The following OPCML variants were observed in gnomAD, a reference collection of about 807,000 sequenced individuals.
OPCML encodes the protein opioid binding protein/cell adhesion molecule like.
A neutral mutation model predicts 37.8 loss-of-function variants in OPCML; 13 were observed. The ratio of observed to expected loss-of-function variants is 0.34; its 90% CI spans 0.22 to 0.55. The LOEUF (loss-of-function observed/expected upper bound fraction) is 0.55. Among genes scored for constraint, OPCML ranks in the 20% least tolerant of loss-of-function variants. OPCML has a pLI of 0.91. For missense variants in OPCML, 341 were observed against 435.6 expected, an observed-to-expected ratio of 0.78 and a Z score of 1.93; for synonymous variants, 176 against 168.8, an observed-to-expected ratio of 1.04 and a Z score of -0.33.
chr11:133,249,613 A>C (rs1941061257), intron 1 of OPCML, among the ~76,000 whole-genome samples: 1 of 152,144 alleles, frequency 6.6e-6, no homozygotes, highest in South Asian at 2.1e-4. Flanking sequence ...AAGGCGGAGG[A>C]GAGAAAGCTG....
At chr11:132,973,976 T>C (rs1946402615) in intron 1 of OPCML, among the ~76,000 whole-genome samples, 1 of 151,946 alleles carries the variant, frequency 6.6e-6, no homozygotes, top group African/African-American at 2.4e-5. Context: ...TGGTCTAGCC[T>C]GCCCCTTACC....
intron 1 of OPCML, among the ~76,000 whole-genome samples, chr11:133,464,946 G>A (rs76533707): frequency 1.4e-3 from 211 of 152,294 alleles, no homozygotes; most frequent in African/African-American, 4.9e-3. Context: ...CAGTTTGACA[G>A]TGACATGAGC....
At chr11:132,847,677 T>C (rs1941611931) in intron 2 of OPCML, among the ~76,000 whole-genome samples, 1 of 152,214 alleles carries the variant, frequency 6.6e-6, no homozygotes, top group South Asian at 2.1e-4. Flanking sequence ...AATGCTGTCT[T>C]TTGGTCAGGT....
intron 2 of OPCML, among the ~76,000 whole-genome samples, chr11:132,759,613 G>A (rs1312780899): frequency 6.6e-6 from 1 of 152,006 alleles, no homozygotes; most frequent in Non-Finnish European, 1.5e-5. Context: ...ATTTTCTGAT[G>A]GTAGTTTGTG....
At chr11:133,342,245 T>C (rs911025431) in intron 1 of OPCML, among the ~76,000 whole-genome samples, 1 of 152,020 alleles carries the variant, frequency 6.6e-6, no homozygotes, top group Non-Finnish European at 1.5e-5. Context: ...ACTAACACAC[T>C]AGAAATAGCT....
intron 1 of OPCML, among the ~76,000 whole-genome samples, chr11:133,199,705 G>C (rs1230139647): frequency 2.0e-5 from 3 of 152,174 alleles, no homozygotes; most frequent in South Asian, 4.1e-4. Context: ...GCAACAACTT[G>C]ATTTCCCCTA....
chr11:132,532,913 T>C lies in OPCML; in HGVS notation c.380-3727A>G, dbSNP rs539466572. 3.2e-4 allele frequency among the ~76,000 whole-genome samples: 48 copies of C among 152,318 alleles called. 1 individual carries two copies. In the South Asian group the frequency reaches 5.0e-3, roughly 16 times the overall value. ...CACTACAACTCCACCCTTGTTTCCA[T>C]GATGACTTTGTGAAGAAAGGAACAC... On this transcript the variant is annotated intron_variant, in intron 3 of 7. Coordinates refer to ENST00000524381, the MANE Select transcript of OPCML (RefSeq NM_001012393.5).
chr11:133,098,136 T>C (rs958378831), intron 1 of OPCML, among the ~76,000 whole-genome samples: 5 of 151,670 alleles, frequency 3.3e-5, no homozygotes, highest in Non-Finnish European at 7.4e-5. Context: ...TTTAGCAAAT[T>C]CAGTCCAACA....
intron 2 of OPCML, among the ~76,000 whole-genome samples, chr11:132,916,033 G>A (rs978363787): frequency 6.6e-6 from 1 of 151,830 alleles, no homozygotes; most frequent in Non-Finnish European, 1.5e-5. Context: ...CCATAATTTT[G>A]TAAGTGTGCA....
intron 4 of OPCML, among the ~76,000 whole-genome samples, chr11:132,476,620 C>T (rs2096156901): frequency 6.6e-6 from 1 of 151,984 alleles, no homozygotes; most frequent in South Asian, 2.1e-4. Context: ...TGTTCTCACT[C>T]ATAGGTGGGA....
intron 1 of OPCML, among the ~76,000 whole-genome samples, chr11:133,190,530 T>C (rs1261318772): frequency 1.3e-5 from 2 of 152,200 alleles, no homozygotes; most frequent in Non-Finnish European, 2.9e-5. Context: ...TTCAACTGAT[T>C]TTAGTTTGTT....
At chr11:132,909,934 A>G (rs1591790177) in intron 2 of OPCML, among the ~76,000 whole-genome samples, 2 of 152,352 alleles carry the variant, frequency 1.3e-5, no homozygotes, top group East Asian at 3.9e-4. Context: ...GTGTTATTAC[A>G]TTTATAAAAT....
intron 1 of OPCML, among the ~76,000 whole-genome samples, chr11:133,388,027 C>T (rs1007651592): frequency 6.6e-6 from 1 of 152,078 alleles, no homozygotes; most frequent in African/African-American, 2.4e-5. Context: ...AGGGGCAGAT[C>T]GTATGGGGCC....
chr11:133,049,032 AC>A, intron 1 of OPCML, among the ~76,000 whole-genome samples: 1 of 152,292 alleles, frequency 6.6e-6, no homozygotes, highest in East Asian at 1.9e-4. Flanking sequence ...TTTACCAAAA[AC>A]CTGCTATGTG....
At chr11:132,586,494 G>A (rs759838654) in intron 3 of OPCML, among the ~76,000 whole-genome samples, 1 of 152,208 alleles carries the variant, frequency 6.6e-6, no homozygotes, top group East Asian at 1.9e-4. Flanking sequence ...TGTGGTCAGT[G>A]ATATAGTGAA....
chr11:132,795,454 G>T (rs1285271633), intron 2 of OPCML, among the ~76,000 whole-genome samples: 1 of 152,096 alleles, frequency 6.6e-6, no homozygotes, highest in Non-Finnish European at 1.5e-5. Context: ...ATAAGTTTTA[G>T]AACATTTCCA....
chr11:132,997,853 G>A (rs567534301), intron 1 of OPCML, among the ~76,000 whole-genome samples: 5 of 152,096 alleles, frequency 3.3e-5, no homozygotes, highest in African/African-American at 4.8e-5. Context: ...ACTTTTTCCG[G>A]GGTTCTCCTG....
At chr11:132,752,986 ACATC>A (rs748389109) in intron 2 of OPCML, among the ~76,000 whole-genome samples, 3 of 152,146 alleles carry the variant, frequency 2.0e-5, no homozygotes, top group Non-Finnish European at 4.4e-5. Context: ...CTGGCTCTTT[ACATC>A]CAATCTTGAT....
chr11:132,782,827 T>C (rs1947075510), intron 2 of OPCML, among the ~76,000 whole-genome samples: 1 of 149,788 alleles, frequency 6.7e-6, no homozygotes, highest in Admixed American at 6.7e-5. Context: ...TGTAGATACA[T>C]TATATCTCTA....
Sources: allele counts gnomAD v4.1 joint callset (sites outside exome capture counted in the v4.1 genomes callset), GRCh38; gene constraint gnomAD v4.1.1; transcripts MANE v1.5; gene names NCBI Gene and HGNC (gene_info 2026-07-23, HGNC 2026-07-21).